SLAMF1: variants seen among roughly 807,000 people sequenced by gnomAD.
The protein encoded by SLAMF1 is signaling lymphocytic activation molecule family member 1.
SLAMF1 carries 18 observed loss-of-function variants against 35.1 expected under a neutral mutation model. That is an observed-to-expected ratio of 0.51 (90% CI 0.35 to 0.76). The LOEUF is 0.76. Among genes scored for constraint, SLAMF1 ranks in the 30% least tolerant of loss-of-function variants. The probability of loss-of-function intolerance (pLI) is 0.01; values close to 1 mark genes in which losing one functional copy is unlikely to be tolerated. For synonymous variants in SLAMF1, 168 were observed against 157.2 expected (o/e 1.07, Z -0.51); for missense variants, 392 against 413.0 (o/e 0.95, Z 0.44).
At chr1:160,634,467 T>C in intron 3 of SLAMF1, 146 bp downstream of exon 3, 3 of 1,400,186 alleles carry the variant, frequency 2.1e-6, no homozygotes, top group Non-Finnish European at 9.5e-7. Context: ...GCTCACTAAA[T>C]GCACATGGTA....
chr1:160,610,848 A>G (rs1269078932), intron 6 of SLAMF1, 50 bp from the exon 7 acceptor site: 1 of 1,343,100 alleles, frequency 7.4e-7, no homozygotes, highest in Non-Finnish European at 1.1e-6. Flanking sequence ...TACTCACTTC[A>G]CAGAATGCAA....
At chr1:160,638,661 A>T (rs1490804765) in intron 1 of SLAMF1, among the ~76,000 whole-genome samples, 1 of 151,994 alleles carries the variant, frequency 6.6e-6, no homozygotes, top group East Asian at 1.9e-4. Flanking sequence ...TTTTCCTTGG[A>T]CCCACTATAA....
chr1:160,617,274 G>A (rs1659353527), intron 5 of SLAMF1, among the ~76,000 whole-genome samples: 1 of 152,100 alleles, frequency 6.6e-6, no homozygotes, highest in African/African-American at 2.4e-5. Flanking sequence ...CAATTTGGAG[G>A]TATGCATACT....
intron 1 of SLAMF1, among the ~76,000 whole-genome samples, chr1:160,640,345 TATATATATATATATACAC>T (rs1257711409): frequency 7.2e-6 from 1 of 138,726 alleles, no homozygotes; most frequent in Non-Finnish European, 1.5e-5. Flanking sequence ...TATATATATA[TATATATATATATATACAC>T]ACACACACAC....
intron 5 of SLAMF1, among the ~76,000 whole-genome samples, chr1:160,615,317 T>C (rs1570966350): frequency 6.6e-6 from 1 of 152,014 alleles, no homozygotes; most frequent in African/African-American, 2.4e-5. Flanking sequence ...AATCAAGAGG[T>C]GAAATTATTG....
intron 1 of SLAMF1, among the ~76,000 whole-genome samples, chr1:160,638,783 A>AT (rs1243618041): frequency 6.6e-6 from 1 of 152,190 alleles, no homozygotes; most frequent in Non-Finnish European, 1.5e-5. Context: ...GGTACTTGAC[A>AT]TAGTTCATCC....
At chr1:160,640,224 G>A (rs141947516) in intron 1 of SLAMF1, among the ~76,000 whole-genome samples, 1,861 of 150,826 alleles carry the variant, frequency 0.012, 14 homozygotes, top group Non-Finnish European at 0.017. Context: ...GGTGCTATGT[G>A]CTTAGTATAT....
At chr1:160,632,770 T>G (rs528267653) in intron 3 of SLAMF1, among the ~76,000 whole-genome samples, 1 of 152,276 alleles carries the variant, frequency 6.6e-6, no homozygotes, top group East Asian at 1.9e-4. Flanking sequence ...ACATTATATT[T>G]TTGTAGCTTT....
chr1:160,625,689 A>T (rs535584931), intron 3 of SLAMF1, among the ~76,000 whole-genome samples: 4 of 146,304 alleles, frequency 2.7e-5, no homozygotes, highest in African/African-American at 9.9e-5. Context: ...TGCTCTGATT[A>T]AAAAAAAAAG....
At chr1:160,612,362 C>T in intron 6 of SLAMF1, 126 bp downstream of exon 6, 1 of 604,784 alleles carries the variant, frequency 1.7e-6, no homozygotes, top group Non-Finnish European at 2.9e-6. Flanking sequence ...AGGTATGAAG[C>T]CTAGTGCCCA....
intron 4 of SLAMF1, 72 bp downstream of exon 4, chr1:160,624,024 G>T: frequency 9.2e-7 from 1 of 1,086,510 alleles, no homozygotes; most frequent in Non-Finnish European, 1.4e-6. Flanking sequence ...GAGCAAGTCC[G>T]AGCCTGTGGA....
chr1:160,610,855 G>T, intron 6 of SLAMF1, 57 bp from the exon 7 acceptor site: 1 of 1,303,570 alleles, frequency 7.7e-7, no homozygotes, highest in Non-Finnish European at 1.1e-6. Flanking sequence ...TTCACAGAAT[G>T]CAAATGAAAA....
At chr1:160,617,586 TAAAG>T (rs1659374983) in intron 5 of SLAMF1, among the ~76,000 whole-genome samples, 1 of 151,996 alleles carries the variant, frequency 6.6e-6, no homozygotes, top group South Asian at 2.1e-4. Context: ...GAAAAAAGAA[TAAAG>T]AATTCAATTT....
chr1:160,644,348 C>T (rs1660919157), intron 1 of SLAMF1, among the ~76,000 whole-genome samples: 2 of 152,208 alleles, frequency 1.3e-5, no homozygotes, highest in Non-Finnish European at 2.9e-5. Flanking sequence ...TGCTAAACTA[C>T]TCTGTGCCCC....
At position 160,637,548 on chromosome 1, in the gene SLAMF1, G is replaced by T. The variant is rs765287030; in HGVS notation, c.77-19C>A. The T allele has an allele frequency of 3.8e-6, 6 of 1,570,400 alleles. No homozygotes were observed. The highest frequency in any genetic ancestry group is 2.2e-5 in the East Asian group (1 of 44,580). ...CGCCCACCTGTGGGAGGGAGGAGAA[G>T]AGAGTCCCTTATTATTAAGGCCTTT... On this transcript the variant is annotated intron_variant, in intron 1 of 6. Coordinates refer to ENST00000302035, the MANE Select transcript of SLAMF1 (RefSeq NM_003037.5).
intron 4 of SLAMF1, among the ~76,000 whole-genome samples, chr1:160,622,435 T>C (rs1036237708): frequency 6.6e-6 from 1 of 152,188 alleles, no homozygotes; most frequent in African/African-American, 2.4e-5. Context: ...AGTCTTATGT[T>C]ACCATGACTT....
intron 1 of SLAMF1, among the ~76,000 whole-genome samples, chr1:160,643,521 G>T (rs1230189413): frequency 6.6e-6 from 1 of 152,124 alleles, no homozygotes; most frequent in Admixed American, 6.5e-5. Context: ...AATTCTTATG[G>T]TATGAAAAAA....
At chr1:160,619,687 A>G in intron 5 of SLAMF1, 89 bp downstream of exon 5, 1 of 870,514 alleles carries the variant, frequency 1.1e-6, no homozygotes, top group South Asian at 1.3e-5. Context: ...CTGGATGGAA[A>G]ACTGTGAATG....
In SLAMF1 at chr1:160,613,547, A is replaced by G. The variant is rs148918354; in HGVS notation, c.865-967T>C. 2.4e-4 allele frequency among the ~76,000 whole-genome samples: 36 copies of G among 152,344 alleles called. No homozygotes were observed. In the East Asian group the frequency reaches 4.4e-3, roughly 19 times the overall value. On this transcript the variant is annotated intron_variant, in intron 5 of 6. Transcript: ENST00000302035. ...CTTACAATAGGGAAGTCATTAATTC[A>G]ACACATTTTGGGGACACTGGTTATG...
Sources: gnomAD v4.1 joint callset for allele counts (sites outside exome capture counted in the v4.1 genomes callset) on GRCh38, gnomAD v4.1.1 for gene constraint, MANE v1.5 for transcripts, NCBI Gene and HGNC (gene_info 2026-07-23, HGNC 2026-07-21) for gene names.